Variants in CACNG2 observed in about 807,000 individuals in gnomAD.
CACNG2 encodes voltage-dependent calcium channel gamma-2 subunit.
Under a neutral mutation model 25.9 loss-of-function variants are expected in CACNG2, and 3 were observed. The observed-to-expected ratio is 0.12, with a 90% CI of 0.05 to 0.30. The LOEUF (loss-of-function observed/expected upper bound fraction) is 0.30. Among genes scored for constraint, CACNG2 ranks in the 10% least tolerant of loss-of-function variants. CACNG2 has a pLI of 1.00. For synonymous variants in CACNG2, 167 were observed against 173.3 expected, an observed-to-expected ratio of 0.96 and a Z score of 0.29; for missense variants, 341 against 432.5, an observed-to-expected ratio of 0.79 and a Z score of 1.88.
chr22:36,624,045 A>G (rs1208150509), intron 1 of CACNG2, among the ~76,000 whole-genome samples: 1 of 152,098 alleles, frequency 6.6e-6, no homozygotes, highest in Non-Finnish European at 1.5e-5. Flanking sequence ...ACCTCATCTC[A>G]TTAATATGCA....
At chr22:36,584,832 T>A (rs1326715653) in intron 2 of CACNG2, 1 of 152,214 alleles carries the variant, frequency 6.6e-6, no homozygotes, top group Non-Finnish European at 1.5e-5. Context: ...TTCTGCCCCC[T>A]CACAGCCTCC....
intron 1 of CACNG2, among the ~76,000 whole-genome samples, chr22:36,593,190 C>G (rs1421094374): frequency 6.6e-6 from 1 of 152,170 alleles, no homozygotes; most frequent in Non-Finnish European, 1.5e-5. Context: ...ATCGGTACAA[C>G]AGTATTTCAA....
chr22:36,598,851 C>T (rs945025285), intron 1 of CACNG2, among the ~76,000 whole-genome samples: 6 of 148,854 alleles, frequency 4.0e-5, no homozygotes, highest in Admixed American at 1.3e-4. Flanking sequence ...TGGTGGCACG[C>T]GCCTGTAGTC....
chr22:36,592,947 CCA>C (rs1281018839), intron 1 of CACNG2, among the ~76,000 whole-genome samples: 1 of 152,180 alleles, frequency 6.6e-6, no homozygotes, highest in African/African-American at 2.4e-5. Flanking sequence ...TGCGCCCAGC[CCA>C]GCCCAGTCCC....
chr22:36,702,415 G>T lies in CACNG2; in HGVS notation c.162C>A (p.Asn54Lys), dbSNP rs775444290. ...SVSENETSKK[N>K]EEVMTHSGLW... The stretch of plus-strand genomic sequence containing the variant: ...ATCCGGAATGGGTCATAACTTCCTC[G>T]TTCTTTTTGCTGGTTTCATTCTCAC... The change falls in exon 1 of 4, where the codon AAC becomes AAA. Residue 54 changes from asparagine (N) to lysine (K), a missense_variant. Physicochemically the swap from Asn to Lys is moderately conservative, Grantham distance 94. Around this residue, in one of 2 missense-constraint regions of CACNG2, gnomAD observed 169 missense variants for 254.4 expected, o/e 0.66. Transcript: ENST00000300105. 5 of 1,614,072 alleles carry T rather than the reference G, an allele frequency of 3.1e-6. No homozygotes were observed. The highest frequency in any genetic ancestry group is 4.2e-6 in the Non-Finnish European group (5 of 1,180,008).
chr22:36,693,334 G>A (rs1937291149), intron 1 of CACNG2, among the ~76,000 whole-genome samples: 1 of 152,078 alleles, frequency 6.6e-6, no homozygotes, highest in Admixed American at 6.5e-5. Context: ...GGGGAGACTG[G>A]ACGTCCCTCT....
At chr22:36,587,415 G>A (rs1166190191) in intron 2 of CACNG2, 50 bp downstream of exon 2, 1 of 1,326,858 alleles carries the variant, frequency 7.5e-7, no homozygotes, top group East Asian at 2.3e-5. Flanking sequence ...AAGGATGGAA[G>A]GGCAGGGCCC....
chr22:36,580,852 A>C (rs1935403283), intron 2 of CACNG2, among the ~76,000 whole-genome samples: 1 of 152,154 alleles, frequency 6.6e-6, no homozygotes, highest in Non-Finnish European at 1.5e-5. Context: ...ACACGCACAC[A>C]TACACACACA....
chr22:36,680,765 A>C (rs891072559), intron 1 of CACNG2, among the ~76,000 whole-genome samples: 21 of 127,708 alleles, frequency 1.6e-4, no homozygotes, highest in African/African-American at 6.3e-4. Flanking sequence ...CACTTTCATC[A>C]CCACCATCTT....
intron 1 of CACNG2, among the ~76,000 whole-genome samples, chr22:36,659,566 G>T (rs542880106): frequency 6.6e-6 from 1 of 151,210 alleles, no homozygotes; most frequent in African/African-American, 2.4e-5. Flanking sequence ...CCTGTGACCC[G>T]GGCTGAGGGG....
chr22:36,570,127 A>G (rs543217939), intron 2 of CACNG2, among the ~76,000 whole-genome samples: 3 of 152,334 alleles, frequency 2.0e-5, no homozygotes, highest in South Asian at 2.1e-4. Flanking sequence ...GTTGAGCCCC[A>G]TCTGCTGTGG....
At chr22:36,659,369 G>A (rs902784759) in intron 1 of CACNG2, among the ~76,000 whole-genome samples, 5 of 152,090 alleles carry the variant, frequency 3.3e-5, no homozygotes, top group Non-Finnish European at 7.4e-5. Flanking sequence ...TCTCAGGGAC[G>A]GGAAAGGAGA....
chr22:36,669,538 ATCT>A (rs1335642977), intron 1 of CACNG2, among the ~76,000 whole-genome samples: 4 of 147,564 alleles, frequency 2.7e-5, no homozygotes, highest in Non-Finnish European at 1.5e-5. Flanking sequence ...AAAAAAGAAC[ATCT>A]TCTCTGAACT....
At chr22:36,696,979 C>G (rs1013888578) in intron 1 of CACNG2, among the ~76,000 whole-genome samples, 4 of 152,250 alleles carry the variant, frequency 2.6e-5, no homozygotes, top group South Asian at 4.1e-4. Flanking sequence ...AACGAGACCA[C>G]AAAAACTTCA....
chr22:36,594,555 A>T (rs896771109), intron 1 of CACNG2, among the ~76,000 whole-genome samples: 1 of 152,174 alleles, frequency 6.6e-6, no homozygotes, highest in African/African-American at 2.4e-5. Context: ...GGGCACACAG[A>T]TGGAAGGTGT....
intron 2 of CACNG2, among the ~76,000 whole-genome samples, chr22:36,572,616 C>T (rs1467312314): frequency 6.6e-6 from 1 of 151,630 alleles, no homozygotes; most frequent in African/African-American, 2.4e-5. Context: ...GCAGGAGAAT[C>T]GTTTGAACCC....
intron 1 of CACNG2, among the ~76,000 whole-genome samples, chr22:36,689,190 G>A (rs1200922671): frequency 6.6e-6 from 1 of 151,968 alleles, no homozygotes; most frequent in Non-Finnish European, 1.5e-5. Flanking sequence ...TCTATTCTAG[G>A]CTTTGGTCTC....
intron 1 of CACNG2, among the ~76,000 whole-genome samples, chr22:36,619,574 T>TA (rs1171831256): frequency 3.3e-5 from 5 of 152,210 alleles, no homozygotes; most frequent in Admixed American, 6.5e-5. Flanking sequence ...CCCTCATACA[T>TA]AAAGACCACC....
At chr22:36,666,127 A>T (rs1936871488) in intron 1 of CACNG2, among the ~76,000 whole-genome samples, 1 of 152,226 alleles carries the variant, frequency 6.6e-6, no homozygotes, top group African/African-American at 2.4e-5. Flanking sequence ...AAATACTGTC[A>T]GGTGCAGTGG....
Sources: allele counts gnomAD v4.1 joint callset (sites outside exome capture counted in the v4.1 genomes callset), GRCh38; gene constraint gnomAD v4.1.1; regional missense constraint gnomAD v4.1.1; transcripts MANE v1.5; gene names NCBI Gene and HGNC (gene_info 2026-07-23, HGNC 2026-07-21).